The following CTNNA2 variants were observed in gnomAD, a reference collection of about 807,000 sequenced individuals.
CTNNA2 encodes catenin alpha-2.
A neutral mutation model predicts 101.0 loss-of-function variants in CTNNA2; 42 were observed. The observed-to-expected ratio is 0.42, with a 90% CI of 0.32 to 0.54. The LOEUF (loss-of-function observed/expected upper bound fraction) is 0.54, where lower values mean the gene tolerates loss of function less well. Ranked by LOEUF, CTNNA2 falls within the 20% of genes least tolerant of loss-of-function variation. CTNNA2 has a pLI of 0.14. For missense variants in CTNNA2, 871 were observed against 1,223.1 expected (o/e 0.71, Z 4.29); for synonymous variants, 450 against 456.4 (o/e 0.99, Z 0.18).
rs201017036 is a variant in CTNNA2 at position 79,837,748 on chromosome 2, G to GT, written c.299-20256dup. On this transcript the variant is annotated intron_variant, in intron 3 of 18. Coordinates refer to ENST00000402739, the MANE Select transcript of CTNNA2 (RefSeq NM_001282597.3). The stretch of plus-strand genomic sequence containing the variant: ...TTTATTGTTAGAAAGTAGAAAGTGT[G>GT]TTTTTTTTTAAAAAAAATCAACAGT... Among the ~76,000 whole-genome samples, 1,230 of 150,330 alleles carry GT rather than the reference G, an allele frequency of 8.2e-3. 14 individuals are homozygous for GT. The highest frequency in any genetic ancestry group is 0.027 in the African/African-American group (1,110 of 40,958).
At chr2:79,618,063 AC>A (rs1488558944) in intron 1 of CTNNA2, among the ~76,000 whole-genome samples, 1 of 152,088 alleles carries the variant, frequency 6.6e-6, no homozygotes, top group African/African-American at 2.4e-5. Context: ...ACCAACACAC[AC>A]ACTCCTGGAC....
At chr2:80,051,356 T>C (rs1696866270) in intron 7 of CTNNA2, among the ~76,000 whole-genome samples, 2 of 152,166 alleles carry the variant, frequency 1.3e-5, no homozygotes, top group South Asian at 2.1e-4. Flanking sequence ...AAAGGAAAAA[T>C]AATGGTTGGA....
chr2:80,639,266 G>T (rs946921155), intron 18 of CTNNA2, among the ~76,000 whole-genome samples: 3 of 152,156 alleles, frequency 2.0e-5, no homozygotes, highest in African/African-American at 7.2e-5. Flanking sequence ...GTGGAGTGCA[G>T]TGGCTCCATC....
chr2:80,395,696 T>C (rs1677948277), intron 8 of CTNNA2, among the ~76,000 whole-genome samples: 1 of 152,198 alleles, frequency 6.6e-6, no homozygotes, highest in South Asian at 2.1e-4. Context: ...CAGAGAACGC[T>C]AATGGCTCAA....
intron 2 of CTNNA2, among the ~76,000 whole-genome samples, chr2:79,200,903 AG>A (rs1229432246): frequency 6.6e-6 from 1 of 152,204 alleles, no homozygotes; most frequent in Non-Finnish European, 1.5e-5. Flanking sequence ...CAAATCTGAA[AG>A]GGTTTGATTT....
rs899238120 is a variant in CTNNA2, at chr2:80,417,077, C to T, written c.1138-2372C>T. Among the ~76,000 whole-genome samples, 4 of 151,786 alleles carry T rather than the reference C, an allele frequency of 2.6e-5. No homozygotes were observed. In the South Asian group the frequency reaches 6.2e-4, roughly 24 times the overall value. On this transcript the variant is annotated intron_variant, in intron 8 of 18. Coordinates refer to ENST00000402739, the MANE Select transcript of CTNNA2 (RefSeq NM_001282597.3). ...TGGAAAATACCTTGGTTGATAATTA[C>T]GGGTCAGTCTTCTCAGGTACATGAT...
chr2:80,453,150 C>T lies in CTNNA2; in HGVS notation c.1290+33549C>T, dbSNP rs112384113. On this transcript the variant is annotated intron_variant, in intron 9 of 18. Transcript: ENST00000402739. Reference sequence around the variant, plus strand: ...GCATAGAGCAAGCATGGGAGCATCACGTGGATTTCCATTTCAACACTGGTG... The same window carrying T: ...GCATAGAGCAAGCATGGGAGCATCATGTGGATTTCCATTTCAACACTGGTG... 6.4e-3 allele frequency among the ~76,000 whole-genome samples: 980 copies of T among 152,190 alleles called. 8 individuals are homozygous for T. The highest frequency in any genetic ancestry group is 0.023 in the African/African-American group (948 of 41,530).
rs75913583 is a variant in CTNNA2 at position 80,524,512 on chromosome 2, T to C, written c.1291-20470T>C. 1.7e-3 allele frequency among the ~76,000 whole-genome samples: 258 copies of C among 152,282 alleles called. 1 individual carries two copies. Among genetic ancestry groups the C allele is most frequent in the African/African-American group, 5.7e-3 (236 of 41,556 alleles). On this transcript the variant is annotated intron_variant, in intron 9 of 18. Transcript: ENST00000402739. Reference sequence around the variant, plus strand: ...TACAGGTGAAAGTTGTTATAACATCTTTGGTGCTGACTTCCATCCCAGCCA... The same window carrying C: ...TACAGGTGAAAGTTGTTATAACATCCTTGGTGCTGACTTCCATCCCAGCCA...
intron 7 of CTNNA2, among the ~76,000 whole-genome samples, chr2:80,319,950 T>G (rs760952728): frequency 2.6e-5 from 4 of 152,224 alleles, no homozygotes; most frequent in Non-Finnish European, 4.4e-5. Flanking sequence ...CCAACTATTT[T>G]GGGAGCAGAT....
chr2:79,249,422 T>A (rs1470788146), intron 2 of CTNNA2, among the ~76,000 whole-genome samples: 1 of 152,166 alleles, frequency 6.6e-6, no homozygotes, highest in Non-Finnish European at 1.5e-5. Flanking sequence ...ATGTATCACA[T>A]CACCTGGACG....
chr2:80,132,444 TC>T (rs1185290722), intron 7 of CTNNA2, among the ~76,000 whole-genome samples: 2 of 152,176 alleles, frequency 1.3e-5, no homozygotes, highest in African/African-American at 2.4e-5. Flanking sequence ...TTAATTTCTC[TC>T]CATAAAATCC....
At chr2:80,450,979 G>GT (rs1369678468) in intron 9 of CTNNA2, among the ~76,000 whole-genome samples, 1 of 133,722 alleles carries the variant, frequency 7.5e-6, no homozygotes, top group African/African-American at 2.6e-5. Context: ...AGGTGTCATT[G>GT]TTTAAAAAAA....
intron 7 of CTNNA2, among the ~76,000 whole-genome samples, chr2:80,277,553 GAAAAA>G (rs10650278): frequency 4.8e-5 from 4 of 83,814 alleles, no homozygotes; most frequent in Admixed American, 1.5e-4. Flanking sequence ...AAGGATTTCT[GAAAAA>G]AAAAAAAAAA....
At chr2:79,957,477 G>A (rs1558674367) in intron 7 of CTNNA2, among the ~76,000 whole-genome samples, 1 of 152,202 alleles carries the variant, frequency 6.6e-6, no homozygotes, top group Admixed American at 6.5e-5. Flanking sequence ...TATTCTGGCT[G>A]TATCCTTCCC....
At chr2:80,069,753 C>A (rs928594606) in intron 7 of CTNNA2, among the ~76,000 whole-genome samples, 13 of 152,258 alleles carry the variant, frequency 8.5e-5, no homozygotes, top group African/African-American at 3.1e-4. Context: ...AAGAAATACT[C>A]ATGTCAGTGA....
chr2:80,456,449 C>T lies in CTNNA2; in HGVS notation c.1290+36848C>T, dbSNP rs566527516. ...TTGGGTGGACTGGGGTGCTATTGGA[C>T]GCGGAGGGAGCAGGCGGGATAGTGA... On this transcript the variant is annotated intron_variant, in intron 9 of 18. Coordinates refer to ENST00000402739, the MANE Select transcript of CTNNA2 (RefSeq NM_001282597.3). Among the ~76,000 whole-genome samples, 19 of 152,204 alleles carry T rather than the reference C, an allele frequency of 1.2e-4. No individual in the cohort carries two copies. The East Asian group carries it at 3.5e-3, about 28-fold the overall frequency.
At chr2:80,462,627 C>CTTTT (rs1161384853) in intron 9 of CTNNA2, among the ~76,000 whole-genome samples, 23 of 114,356 alleles carry the variant, frequency 2.0e-4, no homozygotes, top group African/African-American at 7.8e-4. Context: ...TTCTTTCTTT[C>CTTTT]TTTCTTTTTT....
At chr2:80,217,344 C>T (rs1399955065) in intron 7 of CTNNA2, among the ~76,000 whole-genome samples, 1 of 152,226 alleles carries the variant, frequency 6.6e-6, no homozygotes, top group South Asian at 2.1e-4. Context: ...AACCCAGTGT[C>T]TCGGGGTCCA....
At chr2:80,528,449 G>A (rs553777060) in intron 9 of CTNNA2, among the ~76,000 whole-genome samples, 14 of 152,228 alleles carry the variant, frequency 9.2e-5, no homozygotes, top group African/African-American at 3.4e-4. Context: ...GCCTGCCTCA[G>A]CCTCCCAAAG....
Sources: allele counts gnomAD v4.1 joint callset (sites outside exome capture counted in the v4.1 genomes callset), GRCh38; gene constraint gnomAD v4.1.1; transcripts MANE v1.5; gene names NCBI Gene and HGNC (gene_info 2026-07-23, HGNC 2026-07-21).